The following KCNQ3 variants were observed in gnomAD, a reference collection of about 807,000 sequenced individuals.
KCNQ3 encodes the protein potassium voltage-gated channel subfamily KQT member 3.
KCNQ3 carries 30 observed loss-of-function variants against 92.5 expected under a neutral mutation model. That is an observed-to-expected ratio of 0.32 (90% CI 0.24 to 0.44). The LOEUF (loss-of-function observed/expected upper bound fraction) is 0.44, where lower values mean the gene tolerates loss of function less well. KCNQ3 is among the 20% of genes least tolerant of loss of function. The probability of loss-of-function intolerance (pLI) is 1.00; values close to 1 mark genes in which losing one functional copy is unlikely to be tolerated. For missense variants in KCNQ3, 913 were observed against 1,140.3 expected, an observed-to-expected ratio of 0.80 and a Z score of 2.87; for synonymous variants, 450 against 468.8, an observed-to-expected ratio of 0.96 and a Z score of 0.52.
At chr8:132,461,957 A>G (rs1179317607) in intron 1 of KCNQ3, among the ~76,000 whole-genome samples, 1 of 152,174 alleles carries the variant, frequency 6.6e-6, no homozygotes, top group Non-Finnish European at 1.5e-5. Flanking sequence ...ATATTTCTCC[A>G]AGTCAGTGGC....
At chr8:132,366,698 C>T (rs546853428) in intron 1 of KCNQ3, among the ~76,000 whole-genome samples, 15 of 152,138 alleles carry the variant, frequency 9.9e-5, no homozygotes, top group African/African-American at 3.6e-4. Flanking sequence ...TTGCCAAATG[C>T]CTTTTCAGCA....
intron 9 of KCNQ3, among the ~76,000 whole-genome samples, chr8:132,161,542 G>A (rs1456954278): frequency 6.6e-6 from 1 of 151,790 alleles, no homozygotes; most frequent in Non-Finnish European, 1.5e-5. Flanking sequence ...TGAGGCGGGA[G>A]AATCACTTGA....
intron 1 of KCNQ3, among the ~76,000 whole-genome samples, chr8:132,351,382 G>A (rs966903152): frequency 1.3e-5 from 2 of 152,180 alleles, no homozygotes; most frequent in Admixed American, 1.3e-4. Context: ...TGGGGATACT[G>A]TGGTGAACAA....
intron 1 of KCNQ3, among the ~76,000 whole-genome samples, chr8:132,258,150 A>C (rs1815656023): frequency 6.6e-6 from 1 of 152,216 alleles, no homozygotes; most frequent in African/African-American, 2.4e-5. Flanking sequence ...ACAACAGTAT[A>C]GTTAGACTAG....
chr8:132,409,539 C>G (rs1820592359), intron 1 of KCNQ3, among the ~76,000 whole-genome samples: 1 of 152,146 alleles, frequency 6.6e-6, no homozygotes, highest in Admixed American at 6.5e-5. Context: ...CTTGGTTCCA[C>G]TGTGTGTTTC....
At chr8:132,402,087 C>T (rs1184798328) in intron 1 of KCNQ3, among the ~76,000 whole-genome samples, 1 of 152,188 alleles carries the variant, frequency 6.6e-6, no homozygotes, top group Non-Finnish European at 1.5e-5. Context: ...TAGTCTGGGG[C>T]CACAGGCTTT....
intron 1 of KCNQ3, among the ~76,000 whole-genome samples, chr8:132,358,350 C>T (rs1043346221): frequency 1.3e-5 from 2 of 152,064 alleles, no homozygotes; most frequent in Non-Finnish European, 2.9e-5. Context: ...ATGCTTTAGA[C>T]CCCCTCTGGG....
At chr8:132,149,677 G>A (rs545012774) in intron 9 of KCNQ3, among the ~76,000 whole-genome samples, 1 of 152,294 alleles carries the variant, frequency 6.6e-6, no homozygotes, top group East Asian at 1.9e-4. Flanking sequence ...CACCCCAAGG[G>A]CCACAGACAC....
chr8:132,280,121 T>A (rs919813064), intron 1 of KCNQ3, among the ~76,000 whole-genome samples: 1 of 152,262 alleles, frequency 6.6e-6, no homozygotes, highest in African/African-American at 2.4e-5. Flanking sequence ...GGGAAAGACA[T>A]GTAATGAACA....
At chr8:132,336,725 A>G (rs1214737888) in intron 1 of KCNQ3, among the ~76,000 whole-genome samples, 1 of 152,188 alleles carries the variant, frequency 6.6e-6, no homozygotes, top group East Asian at 1.9e-4. Context: ...ATTATTCTGT[A>G]TGTTGGGCAC....
intron 1 of KCNQ3, among the ~76,000 whole-genome samples, chr8:132,268,549 G>A (rs1452523074): frequency 4.6e-5 from 7 of 152,136 alleles, no homozygotes; most frequent in Admixed American, 1.3e-4. Context: ...ATGAGCCACC[G>A]CGCCGGCCAG....
At chr8:132,349,465 T>C (rs1266198739) in intron 1 of KCNQ3, among the ~76,000 whole-genome samples, 2 of 152,234 alleles carry the variant, frequency 1.3e-5, no homozygotes, top group Admixed American at 1.3e-4. Context: ...TGGTGACTCA[T>C]CACTGACAAA....
chr8:132,185,641 G>A (rs1397714824), intron 2 of KCNQ3, among the ~76,000 whole-genome samples: 2 of 152,226 alleles, frequency 1.3e-5, no homozygotes, highest in East Asian at 3.9e-4. Context: ...GCAGGCCCCA[G>A]GAGGGGAGAT....
chr8:132,155,541 A>G (rs1825775623), intron 9 of KCNQ3, among the ~76,000 whole-genome samples: 1 of 152,208 alleles, frequency 6.6e-6, no homozygotes, highest in African/African-American at 2.4e-5. Flanking sequence ...GCCCTAGGAG[A>G]TAGGTACCCT....
intron 1 of KCNQ3, 110 bp downstream of exon 1, chr8:132,480,027 CCCCTTCAGCG>C: frequency 1.0e-6 from 1 of 954,094 alleles, no homozygotes; most frequent in South Asian, 1.6e-5. Context: ...GGGCTGGTCT[CCCCTTCAGCG>C]GGAAAGCATC....
intron 1 of KCNQ3, among the ~76,000 whole-genome samples, chr8:132,462,953 C>A (rs1034336131): frequency 6.6e-6 from 1 of 152,142 alleles, no homozygotes; most frequent in African/African-American, 2.4e-5. Flanking sequence ...CACACACACA[C>A]GTATACATAT....
chr8:132,148,442 C>T (rs1473223740), intron 9 of KCNQ3, among the ~76,000 whole-genome samples: 2 of 152,154 alleles, frequency 1.3e-5, no homozygotes, highest in Non-Finnish European at 1.5e-5. Context: ...CACCGTGTTG[C>T]CAAGGCTGGC....
At chr8:132,214,442 A>G (rs538626069) in intron 1 of KCNQ3, among the ~76,000 whole-genome samples, 1 of 152,296 alleles carries the variant, frequency 6.6e-6, no homozygotes, top group South Asian at 2.1e-4. Flanking sequence ...TCTTAGGTAC[A>G]AGTCCAATAA....
At chr8:132,332,142 C>T (rs1268213477) in intron 1 of KCNQ3, among the ~76,000 whole-genome samples, 2 of 152,196 alleles carry the variant, frequency 1.3e-5, no homozygotes, top group Non-Finnish European at 1.5e-5. Context: ...CTCTCTCTCA[C>T]TCTTGCCAGC....
Sources: allele counts gnomAD v4.1 joint callset (sites outside exome capture counted in the v4.1 genomes callset), GRCh38; gene constraint gnomAD v4.1.1; transcripts MANE v1.5; gene names NCBI Gene and HGNC (gene_info 2026-07-23, HGNC 2026-07-21).